The following SCAP variants were observed in gnomAD, a reference collection of about 807,000 sequenced individuals.
SCAP encodes the protein sterol regulatory element-binding protein cleavage-activating protein.
A neutral mutation model predicts 123.6 loss-of-function variants in SCAP; 65 were observed. That is an observed-to-expected ratio of 0.53 (90% CI 0.43 to 0.65). The LOEUF (loss-of-function observed/expected upper bound fraction) is 0.65, where lower values mean the gene tolerates loss of function less well. SCAP is among the 30% of genes least tolerant of loss of function. The pLI is 0.00. For synonymous variants in SCAP, 740 were observed against 726.3 expected (o/e 1.02, Z -0.30); for missense variants, 1,398 against 1,712.5 (o/e 0.82, Z 3.24).
chr3:47,456,881 A>C (rs984770146), intron 1 of SCAP, among the ~76,000 whole-genome samples: 5 of 152,138 alleles, frequency 3.3e-5, no homozygotes, highest in Admixed American at 2.0e-4. Context: ...TTTTGACAAA[A>C]TCAATTTAAA....
In SCAP at chr3:47,427,191, T is replaced by A. The variant is rs746131319; in HGVS notation, c.703A>T (p.Thr235Ser). The change falls in exon 6 of 23, where the codon ACC becomes TCC. Residue 235 changes from threonine (T) to serine (S), a missense_variant. Physicochemically the swap from Thr to Ser is moderately conservative, Grantham distance 58 (BLOSUM62 1). Transcript: ENST00000265565. Reference sequence around the variant, plus strand: ...TAGTGCTGGAAGACCAGGGTGATGGTGTAGGAGACCATCCTCTTCCTGGTG... The same window carrying A: ...TAGTGCTGGAAGACCAGGGTGATGGAGTAGGAGACCATCCTCTTCCTGGTG... The part of the protein sequence containing the change: ...LYTRKRMVSY[T>S]ITLVFQHYHA... 6.2e-7 allele frequency: 1 copy of A among 1,613,836 alleles called. No individual in the cohort carries two copies. Among genetic ancestry groups the A allele is most frequent in the Non-Finnish European group, 8.5e-7 (1 of 1,179,866 alleles).
At chr3:47,422,899 C>T (rs907153306) in intron 9 of SCAP, 12 of 187,042 alleles carry the variant, frequency 6.4e-5, no homozygotes, top group South Asian at 1.5e-4. Flanking sequence ...CTGGTCTGCA[C>T]GGGCCAGCAT....
chr3:47,452,177 T>C (rs549624505), intron 1 of SCAP, among the ~76,000 whole-genome samples: 2 of 152,356 alleles, frequency 1.3e-5, no homozygotes, highest in Non-Finnish European at 2.9e-5. Context: ...TTACTATCTG[T>C]CCTCTGTCAA....
chr3:47,415,598 T>TA (rs987673708), intron 18 of SCAP, among the ~76,000 whole-genome samples: 2 of 152,182 alleles, frequency 1.3e-5, no homozygotes, highest in Non-Finnish European at 2.9e-5. Context: ...ATTCTCCACA[T>TA]AAAAGCAGCT....
At chr3:47,459,408 T>C (rs762496099) in intron 1 of SCAP, among the ~76,000 whole-genome samples, 6 of 152,244 alleles carry the variant, frequency 3.9e-5, no homozygotes, top group South Asian at 2.1e-4. Context: ...GTTGCGTTAC[T>C]ACTTCAATAT....
intron 18 of SCAP, among the ~76,000 whole-genome samples, chr3:47,416,873 G>A (rs899556696): frequency 1.4e-4 from 21 of 152,036 alleles, no homozygotes; most frequent in African/African-American, 3.1e-4. Context: ...TGATCCGCCC[G>A]CCTCGGCCTC....
rs531506173 is a variant in SCAP at position 47,468,569 on chromosome 3, G to C, written c.-99+7230C>G. 1.0e-3 allele frequency among the ~76,000 whole-genome samples: 151 copies of C among 151,116 alleles called. 3 individuals carry two copies. Among genetic ancestry groups the C allele is most frequent in the African/African-American group, 3.4e-3 (142 of 41,254 alleles). On this transcript the variant is annotated intron_variant, in intron 1 of 22. Transcript: ENST00000265565. ...CACCCACTTTTTGATAGGGTTGTTT[G>C]ATTTTTTTCTTGTAAATCTGTTTAA...
chr3:47,442,501 C>A (rs577124107), intron 2 of SCAP, among the ~76,000 whole-genome samples: 2 of 152,154 alleles, frequency 1.3e-5, no homozygotes, highest in Non-Finnish European at 2.9e-5. Flanking sequence ...GACTTTGCCT[C>A]GCAACACACA....
intron 1 of SCAP, among the ~76,000 whole-genome samples, chr3:47,464,605 T>C (rs1430463183): frequency 1.3e-5 from 2 of 152,158 alleles, no homozygotes; most frequent in Non-Finnish European, 2.9e-5. Flanking sequence ...GAAGGCAATA[T>C]CCTCAACATA....
intron 1 of SCAP, among the ~76,000 whole-genome samples, chr3:47,454,485 G>A (rs1026812177): frequency 1.3e-5 from 2 of 152,106 alleles, no homozygotes. Flanking sequence ...CTAGCACTTT[G>A]GGAGACCAAG....
Position 47,439,422 on chromosome 3 carries a change from A to T in SCAP, c.122+3450T>A, listed in dbSNP as rs1290984769. Among the ~76,000 whole-genome samples the T allele has an allele frequency of 2.0e-5, 3 of 152,202 alleles. No individual in the cohort carries two copies. The highest frequency in any genetic ancestry group is 4.4e-5 in the Non-Finnish European group (3 of 68,044). ...AGACCCCGTCTCAAAATCAAAAACA[A>T]CACAATGTGATTCCAATTTCCTCTC... On this transcript the variant is annotated intron_variant, in intron 2 of 22. Coordinates refer to ENST00000265565, the MANE Select transcript of SCAP (RefSeq NM_012235.4). This position sits in a 1 kb window ranked among gnomAD's most constrained non-coding sequence, Gnocchi z 4.0.
intron 1 of SCAP, among the ~76,000 whole-genome samples, chr3:47,467,198 A>C (rs190218067): frequency 1.1e-3 from 169 of 152,314 alleles, no homozygotes; most frequent in Non-Finnish European, 2.2e-3. Flanking sequence ...TCATATATCT[A>C]ACAAGGGTTT....
At chr3:47,432,808 C>T (rs1706420610) in intron 3 of SCAP, among the ~76,000 whole-genome samples, 1 of 152,148 alleles carries the variant, frequency 6.6e-6, no homozygotes, top group African/African-American at 2.4e-5. Context: ...ACTGGGATTA[C>T]AGGTATGCAC....
Position 47,418,416 on chromosome 3 carries a change from C to A in SCAP, c.2236G>T (p.Gly746Trp), listed in dbSNP as rs771728213. The change falls in exon 15 of 23, where the codon GGG becomes TGG. Residue 746 changes from glycine to tryptophan, a missense_variant. Gly to Trp is a radical substitution (Grantham distance 184, BLOSUM62 -2). Transcript: ENST00000265565. ...GGCAGCTCCCCGCGCCTCCGCCGCC[C>A]GGGCCCACCACCCAGCTGCCCGTAG... ...RNYGQLGGGP[G>W]RRRRGELPCD... 1.9e-6 allele frequency: 3 copies of A among 1,579,814 alleles called. No homozygotes were observed. Among genetic ancestry groups the A allele is most frequent in the East Asian group, 2.3e-5 (1 of 43,404 alleles).
chr3:47,430,316 T>C (rs779138307), intron 3 of SCAP, among the ~76,000 whole-genome samples: 2 of 152,180 alleles, frequency 1.3e-5, no homozygotes, highest in Non-Finnish European at 2.9e-5. Context: ...CATCTACCTT[T>C]CAAGAGCTTA....
chr3:47,438,174 G>A (rs1414384916), intron 2 of SCAP, among the ~76,000 whole-genome samples: 1 of 152,076 alleles, frequency 6.6e-6, no homozygotes, highest in East Asian at 1.9e-4. Context: ...TTTGTGAAAC[G>A]CCTCTTCAAG....
chr3:47,461,128 G>A (rs565041040), intron 1 of SCAP, among the ~76,000 whole-genome samples: 18 of 152,050 alleles, frequency 1.2e-4, no homozygotes, highest in South Asian at 6.2e-4. Context: ...CCTGCTCACC[G>A]CTGGCCCTAA....
chr3:47,435,403 G>A (rs1706529509), intron 2 of SCAP, among the ~76,000 whole-genome samples: 1 of 150,414 alleles, frequency 6.6e-6, no homozygotes, highest in South Asian at 2.1e-4. Flanking sequence ...GGCTGTATAA[G>A]CTAAGTATGT....
chr3:47,449,815 C>T lies in SCAP; in HGVS notation c.-98-6724G>A, dbSNP rs1293417262. ...AGTTCTGGTTTCCTTCTCCAATTCG[C>T]ATGCTAACATTTATCTTTCTGGGGT... is the stretch of plus-strand genomic sequence containing the variant. On this transcript the variant is annotated intron_variant, in intron 1 of 22. Coordinates refer to ENST00000265565, the MANE Select transcript of SCAP (RefSeq NM_012235.4). Among the ~76,000 whole-genome samples the T allele has an allele frequency of 2.4e-5, 3 of 124,152 alleles. 1 individual carries two copies. The highest frequency in any genetic ancestry group is 8.3e-5 in the African/African-American group (3 of 36,230). The allele number at this position is 124,152 out of a possible 152,430, so 81.4% of individuals were successfully genotyped here.
Sources: gnomAD v4.1 joint callset for allele counts (sites outside exome capture counted in the v4.1 genomes callset) on GRCh38, gnomAD v4.1.1 for gene constraint, Gnocchi (gnomAD v3.1) non-coding constraint, MANE v1.5 for transcripts, NCBI Gene and HGNC (gene_info 2026-07-23, HGNC 2026-07-21) for gene names.